Variants in SHISA9 observed in about 807,000 individuals in gnomAD.
SHISA9 encodes the protein protein shisa-9.
A neutral mutation model predicts 38.0 loss-of-function variants in SHISA9; 13 were observed. The ratio of observed to expected loss-of-function variants is 0.34; its 90% CI spans 0.22 to 0.54. The LOEUF (loss-of-function observed/expected upper bound fraction) is 0.54. SHISA9 is among the 20% of genes least tolerant of loss of function. The pLI, the probability that SHISA9 is intolerant of heterozygous loss-of-function variation, is 0.91. For synonymous variants in SHISA9, 275 were observed against 242.0 expected (o/e 1.14, Z -1.27); for missense variants, 538 against 575.8 (o/e 0.93, Z 0.67).
chr16:12,919,043 A>G (rs1004783132), intron 2 of SHISA9, among the ~76,000 whole-genome samples: 7 of 152,228 alleles, frequency 4.6e-5, no homozygotes, highest in Non-Finnish European at 7.3e-5. Context: ...TACATATTAT[A>G]GATACAGAAA....
intron 2 of SHISA9, among the ~76,000 whole-genome samples, chr16:12,981,894 C>A (rs764391628): frequency 6.6e-6 from 1 of 152,160 alleles, no homozygotes; most frequent in Non-Finnish European, 1.5e-5. Context: ...ATCTACAAGT[C>A]AAGAAGAGAG....
intron 2 of SHISA9, among the ~76,000 whole-genome samples, chr16:13,044,705 A>G (rs1567193518): frequency 6.6e-6 from 1 of 152,182 alleles, no homozygotes; most frequent in Non-Finnish European, 1.5e-5. Context: ...GTGAGAGGGC[A>G]TCTGGCTGCG....
intron 3 of SHISA9, among the ~76,000 whole-genome samples, chr16:13,211,935 C>A (rs1177891820): frequency 6.6e-6 from 1 of 152,124 alleles, no homozygotes; most frequent in African/African-American, 2.4e-5. Flanking sequence ...AGAAGAGAAC[C>A]GAGTCATCCT....
chr16:13,490,347 G>A, the SHISA9 span, among the ~76,000 whole-genome samples: 1 of 152,140 alleles, frequency 6.6e-6, no homozygotes, highest in African/African-American at 2.4e-5. Flanking sequence ...TGGATTGCCT[G>A]AGACCAGCCT....
rs540618887 is a variant in SHISA9, at chr16:13,154,473, C to G, written c.692-48921C>G. Among the ~76,000 whole-genome samples the G allele has an allele frequency of 9.2e-5, 14 of 152,304 alleles. No individual in the cohort carries two copies. In the South Asian group the frequency reaches 2.7e-3, roughly 29 times the overall value. Reference sequence around the variant, plus strand: ...ACAGTTAGCCATGTGCTTTTCCCCTCCATCATGGTGATGGGTAATGATCCA... The same window carrying G: ...ACAGTTAGCCATGTGCTTTTCCCCTGCATCATGGTGATGGGTAATGATCCA... On this transcript the variant is annotated intron_variant, in intron 2 of 4. Transcript: ENST00000558583.
At chr16:13,067,839 C>G (rs1315660882) in intron 2 of SHISA9, among the ~76,000 whole-genome samples, 1 of 152,230 alleles carries the variant, frequency 6.6e-6, no homozygotes, top group African/African-American at 2.4e-5. Context: ...TTGGCAGCCC[C>G]CACGCTGCTG....
chr16:13,223,174 C>T (rs1418154818), intron 4 of SHISA9, among the ~76,000 whole-genome samples: 3 of 152,140 alleles, frequency 2.0e-5, no homozygotes, highest in East Asian at 3.9e-4. Flanking sequence ...TGCCTGTAAT[C>T]CCAGTACTTT....
chr16:13,041,970 G>C (rs534417469), intron 2 of SHISA9, among the ~76,000 whole-genome samples: 88 of 152,332 alleles, frequency 5.8e-4, no homozygotes, highest in African/African-American at 2.1e-3. Flanking sequence ...CTAATACCCG[G>C]CTTTGACTTT....
chr16:12,932,991 T>C (rs1267147868), intron 2 of SHISA9, among the ~76,000 whole-genome samples: 1 of 152,206 alleles, frequency 6.6e-6, no homozygotes, highest in African/African-American at 2.4e-5. Flanking sequence ...AAAGGACTTA[T>C]GATTTTGCAA....
the SHISA9 span, among the ~76,000 whole-genome samples, chr16:13,452,645 C>T: frequency 6.6e-6 from 1 of 152,172 alleles, no homozygotes; most frequent in Admixed American, 6.5e-5. Flanking sequence ...AAGCTGATCA[C>T]ATCATTCAAT....
At chr16:13,457,014 C>G in the SHISA9 span, among the ~76,000 whole-genome samples, 3 of 152,298 alleles carry the variant, frequency 2.0e-5, no homozygotes, top group Non-Finnish European at 4.4e-5. Context: ...GTAACTGTAA[C>G]AGCTTTTGGT....
intron 2 of SHISA9, among the ~76,000 whole-genome samples, chr16:13,030,204 T>C (rs1262354940): frequency 2.0e-5 from 3 of 152,198 alleles, no homozygotes; most frequent in East Asian, 1.9e-4. Flanking sequence ...TCCATTCTTA[T>C]AGGCACTGAT....
chr16:13,256,623 C>T, the SHISA9 span, among the ~76,000 whole-genome samples: 1 of 152,208 alleles, frequency 6.6e-6, no homozygotes, highest in Non-Finnish European at 1.5e-5. Flanking sequence ...TTTCTCCCTA[C>T]TAGACTGGGG....
intron 2 of SHISA9, among the ~76,000 whole-genome samples, chr16:13,068,777 C>T (rs2073464698): frequency 2.0e-5 from 3 of 152,042 alleles, no homozygotes; most frequent in Non-Finnish European, 4.4e-5. Context: ...TGTGTGCACA[C>T]CTGCAATATG....
intron 2 of SHISA9, among the ~76,000 whole-genome samples, chr16:13,136,396 C>CTTTTT (rs35122409): frequency 1.6e-3 from 111 of 68,046 alleles, no homozygotes; most frequent in African/African-American, 4.5e-3. Context: ...CAGTTTCCTT[C>CTTTTT]TTTTTTTTTT....
chr16:12,998,658 G>A (rs2072488440), intron 2 of SHISA9, among the ~76,000 whole-genome samples: 1 of 152,160 alleles, frequency 6.6e-6, no homozygotes, highest in Non-Finnish European at 1.5e-5. Flanking sequence ...GTCTTCCTGA[G>A]TAGCTAGGAT....
At chr16:13,208,939 GC>G (rs2051093297) in intron 3 of SHISA9, among the ~76,000 whole-genome samples, 2 of 152,164 alleles carry the variant, frequency 1.3e-5, no homozygotes, top group South Asian at 4.1e-4. Context: ...CCTGAGAGGG[GC>G]CTTAGAGAAT....
chr16:13,196,519 A>C (rs2050945066), intron 2 of SHISA9, among the ~76,000 whole-genome samples: 1 of 152,232 alleles, frequency 6.6e-6, no homozygotes, highest in Non-Finnish European at 1.5e-5. Context: ...CGCAAGAGGA[A>C]TCTAAAGAGA....
At chr16:13,437,805 A>G in the SHISA9 span, among the ~76,000 whole-genome samples, 4 of 138,372 alleles carry the variant, frequency 2.9e-5, no homozygotes, top group Non-Finnish European at 6.4e-5. Context: ...CAAAGGCTTG[A>G]CAATTCCAAG....
Sources: gnomAD v4.1 joint callset for allele counts (sites outside exome capture counted in the v4.1 genomes callset) on GRCh38, gnomAD v4.1.1 for gene constraint, MANE v1.5 for transcripts, NCBI Gene and HGNC (gene_info 2026-07-23, HGNC 2026-07-21) for gene names.